The following HMCN1 variants were observed in gnomAD, a reference collection of about 807,000 sequenced individuals.
HMCN1 encodes hemicentin 1.
A neutral mutation model predicts 625.9 loss-of-function variants in HMCN1; 321 were observed. The observed-to-expected ratio is 0.51, with a 90% CI of 0.47 to 0.56. The LOEUF (loss-of-function observed/expected upper bound fraction) is 0.56. HMCN1 is among the 20% of genes least tolerant of loss of function. The pLI, the probability that HMCN1 is intolerant of heterozygous loss-of-function variation, is 0.00. For missense variants in HMCN1, 6,588 were observed against 6,887.3 expected (o/e 0.96, Z 1.54); for synonymous variants, 2,425 against 2,417.6 (o/e 1.00, Z -0.09).
intron 97 of HMCN1, among the ~76,000 whole-genome samples, chr1:186,162,640 C>A (rs1651579988): frequency 1.3e-5 from 2 of 152,122 alleles, no homozygotes; most frequent in African/African-American, 2.4e-5. Flanking sequence ...CAGACAGGAC[C>A]CTCAGCTGCA....
intron 1 of HMCN1, among the ~76,000 whole-genome samples, chr1:185,769,590 T>TATAC (rs1369022605): frequency 4.6e-5 from 7 of 152,230 alleles, no homozygotes; most frequent in African/African-American, 1.7e-4. Flanking sequence ...TGGGCAACTA[T>TATAC]ATTAGTTAGC....
intron 97 of HMCN1, among the ~76,000 whole-genome samples, chr1:186,154,795 A>G (rs1295895963): frequency 6.6e-6 from 1 of 152,140 alleles, no homozygotes; most frequent in Non-Finnish European, 1.5e-5. Context: ...TTCATTTTCC[A>G]AGCATGGTTC....
chr1:185,949,160 G>A (rs1185114055), intron 11 of HMCN1, among the ~76,000 whole-genome samples: 1 of 151,882 alleles, frequency 6.6e-6, no homozygotes. Context: ...GTGGCAGTTT[G>A]GGGATAGCAC....
intron 1 of HMCN1, among the ~76,000 whole-genome samples, chr1:185,736,279 C>T (rs1653569722): frequency 1.3e-5 from 2 of 152,028 alleles, no homozygotes; most frequent in African/African-American, 2.4e-5. Flanking sequence ...CACATACATA[C>T]ATTACATATA....
At chr1:186,063,483 AAG>A (rs1657905265) in intron 48 of HMCN1, among the ~76,000 whole-genome samples, 2 of 146,696 alleles carry the variant, frequency 1.4e-5, no homozygotes, top group Non-Finnish European at 3.0e-5. Flanking sequence ...GGAAGGAAGG[AAG>A]GAAGGAAGGA....
At chr1:186,132,444 T>G in intron 86 of HMCN1, 35 bp downstream of exon 86, 1 of 1,456,672 alleles carries the variant, frequency 6.9e-7, no homozygotes, top group Non-Finnish European at 9.5e-7. Flanking sequence ...AAACACTTGA[T>G]TTAGGAAATA....
intron 1 of HMCN1, among the ~76,000 whole-genome samples, chr1:185,756,557 G>C: frequency 6.6e-6 from 1 of 151,746 alleles, no homozygotes; most frequent in East Asian, 1.9e-4. Context: ...AAGATTAAAT[G>C]ATGTAATAGA....
At chr1:186,158,054 C>G (rs1168611987) in intron 97 of HMCN1, among the ~76,000 whole-genome samples, 10 of 148,562 alleles carry the variant, frequency 6.7e-5, no homozygotes, top group South Asian at 6.5e-4. Flanking sequence ...TACAGTCCCA[C>G]CAACAGTGTA....
chr1:185,972,578 A>C (rs745609623), intron 15 of HMCN1, among the ~76,000 whole-genome samples: 2 of 152,198 alleles, frequency 1.3e-5, no homozygotes, highest in Non-Finnish European at 2.9e-5. Context: ...AGAACCATCA[A>C]CATAAGCCAA....
chr1:186,057,251 G>A lies in HMCN1; in HGVS notation c.7162G>A (p.Gly2388Arg). 1 of 1,611,342 alleles carries A rather than the reference G, an allele frequency of 6.2e-7. No individual in the cohort carries two copies. Among genetic ancestry groups the A allele is most frequent in the Non-Finnish European group, 8.5e-7 (1 of 1,178,156 alleles). The change falls in exon 46 of 107, where the codon GGA becomes AGA. Residue 2388 changes from glycine (G) to arginine (R), a missense_variant. By Grantham distance (125) the Gly-to-Arg change is moderately radical (BLOSUM62 -2). Transcript: ENST00000271588. ...LSVHAPPSII[G>R]NHRSPENISV... The stretch of plus-strand genomic sequence containing the variant: ...TCTTACAGCTCCTCCAAGCATCATA[G>A]GAAACCACAGGTCACCTGAAAATAT...
rs1320794763 is a variant in HMCN1, at chr1:186,125,610, C to A, written c.12506C>A (p.Pro4169His). The change falls in exon 82 of 107, where the codon CCC (proline) becomes CAC (histidine). Residue 4169 changes from proline to histidine, a missense_variant. Around this residue, in one of 3 missense-constraint regions of HMCN1, gnomAD observed 1,954 missense variants for 2,013.1 expected, o/e 0.97. Coordinates refer to ENST00000271588, the MANE Select transcript of HMCN1 (RefSeq NM_031935.3). ...TSTKLTVHVP[P>H]RIRSTEGHYT... ...TTTTTTAAACTCTTCATAGTACCAC[C>A]CAGGATCAGAAGTACAGAAGGACAC... is the stretch of plus-strand genomic sequence containing the variant. 6.2e-7 allele frequency: 1 copy of A among 1,612,086 alleles called. No individual in the cohort carries two copies.
chr1:185,969,739 C>CCAGTACTATGTA (rs1310684239), intron 14 of HMCN1, among the ~76,000 whole-genome samples: 2 of 152,150 alleles, frequency 1.3e-5, no homozygotes, highest in Non-Finnish European at 2.9e-5. Context: ...CATTAAACAT[C>CCAGTACTATGTA]CAGTACTATG....
At chr1:186,138,834 T>C (rs1476520078) in intron 89 of HMCN1, among the ~76,000 whole-genome samples, 1 of 152,212 alleles carries the variant, frequency 6.6e-6, no homozygotes, top group Non-Finnish European at 1.5e-5. Flanking sequence ...GGGTGAACTG[T>C]CTACCTAGTG....
intron 103 of HMCN1, among the ~76,000 whole-genome samples, 166 bp from the exon 104 acceptor site, chr1:186,178,250 A>T (rs143188947): frequency 0.012 from 1,853 of 152,320 alleles, 35 homozygotes; most frequent in African/African-American, 0.038. Context: ...GAATGATTAA[A>T]GCTTTGTCAA....
chr1:185,813,200 GGTTT>G (rs976843520), intron 1 of HMCN1, among the ~76,000 whole-genome samples: 3 of 152,018 alleles, frequency 2.0e-5, no homozygotes, highest in Non-Finnish European at 4.4e-5. Context: ...ACATAACTTT[GGTTT>G]GTTTATTAAA....
intron 34 of HMCN1, among the ~76,000 whole-genome samples, chr1:186,018,617 T>C (rs1362719010): frequency 6.6e-6 from 1 of 152,020 alleles, no homozygotes; most frequent in Non-Finnish European, 1.5e-5. Flanking sequence ...AGACAGAATT[T>C]AAACGTTAGG....
chr1:185,901,474 C>CT (rs1377295738), intron 4 of HMCN1, among the ~76,000 whole-genome samples: 1 of 151,532 alleles, frequency 6.6e-6, no homozygotes, highest in Admixed American at 6.6e-5. Flanking sequence ...AGTCCTATGC[C>CT]TTTTTTGAGT....
At chr1:185,880,469 G>A (rs1664234739) in intron 4 of HMCN1, among the ~76,000 whole-genome samples, 3 of 152,126 alleles carry the variant, frequency 2.0e-5, no homozygotes, top group Admixed American at 2.0e-4. Flanking sequence ...CTTTGAATGG[G>A]CTCTTCCTTA....
In HMCN1 at chr1:185,944,055, G is replaced by A. The variant is rs150144904; in HGVS notation, c.1828+10231G>A. Among the ~76,000 whole-genome samples, 294 of 152,260 alleles carry A rather than the reference G, an allele frequency of 1.9e-3. 2 individuals are homozygous for A. Among genetic ancestry groups the A allele is most frequent in the African/African-American group, 6.8e-3 (284 of 41,548 alleles). On this transcript the variant is annotated intron_variant, in intron 11 of 106. Transcript: ENST00000271588. ...TCCTAGGTTACAAAGCCAGCAAGTG[G>A]CAGAGTACATATCTGAGCTAGTTAT...
Sources: allele counts gnomAD v4.1 joint callset (sites outside exome capture counted in the v4.1 genomes callset), GRCh38; gene constraint gnomAD v4.1.1; regional missense constraint gnomAD v4.1.1; transcripts MANE v1.5; gene names NCBI Gene and HGNC (gene_info 2026-07-23, HGNC 2026-07-21).